The following ZIM2 variants were observed in gnomAD, a reference collection of about 807,000 sequenced individuals.
The protein encoded by ZIM2 is zinc finger imprinted 2, also known as zinc finger protein 656.
A neutral mutation model predicts 38.6 loss-of-function variants in ZIM2; 14 were observed. The ratio of observed to expected loss-of-function variants is 0.36; its 90% confidence interval spans 0.24 to 0.57. ZIM2 has a LOEUF of 0.57. Ranked by LOEUF, ZIM2 falls within the 20% of genes least tolerant of loss-of-function variation. The pLI is 0.81. For synonymous variants in ZIM2, 247 were observed against 245.8 expected (o/e 1.00, Z -0.04); for missense variants, 680 against 695.1 (o/e 0.98, Z 0.24).
intron 7 of ZIM2, among the ~76,000 whole-genome samples, chr19:56,819,071 A>C (rs1048625418): frequency 1.3e-5 from 2 of 152,208 alleles, no homozygotes; most frequent in East Asian, 3.9e-4. Flanking sequence ...AACAGTGTGC[A>C]AAGGTTTGTG....
At chr19:56,828,133 G>A (rs900289815) in intron 2 of ZIM2, among the ~76,000 whole-genome samples, 4 of 152,152 alleles carry the variant, frequency 2.6e-5, no homozygotes, top group Non-Finnish European at 5.9e-5. Context: ...GGTGCAGGCA[G>A]CCGTAACATC....
At chr19:56,834,295 C>T (rs927788491) in intron 2 of ZIM2, among the ~76,000 whole-genome samples, 2 of 152,112 alleles carry the variant, frequency 1.3e-5, no homozygotes, top group African/African-American at 4.8e-5. Context: ...AGATAAGGGG[C>T]TTCCGATATC....
At chr19:56,796,853 C>T (rs2047255569) in intron 9 of ZIM2, among the ~76,000 whole-genome samples, 1 of 152,208 alleles carries the variant, frequency 6.6e-6, no homozygotes, top group South Asian at 2.1e-4. Flanking sequence ...GAAGCTATTC[C>T]ATTACAGAGT....
chr19:56,816,061 G>C, intron 9 of ZIM2: 1 of 1,602,878 alleles, frequency 6.2e-7, no homozygotes, highest in Non-Finnish European at 8.5e-7. Context: ...ACTGGGCCCT[G>C]CTACACTGTG....
In ZIM2 at chr19:56,788,299, C is replaced by T. The variant is rs540260115; in HGVS notation, c.570+1573G>A. 6.1e-4 allele frequency among the ~76,000 whole-genome samples: 93 copies of T among 152,200 alleles called. 2 individuals carry two copies. In the South Asian group the frequency reaches 0.018, roughly 29 times the overall value. On this transcript the variant is annotated intron_variant, in intron 10 of 12. Transcript: ENST00000629319. ...TAGCTGTGTCCCAGAGATTCTGGTACGTTGTGTCTTTGTTCTCATTGGTTT... is the reference window on the plus strand; with the variant it reads ...TAGCTGTGTCCCAGAGATTCTGGTATGTTGTGTCTTTGTTCTCATTGGTTT...
At chr19:56,811,596 C>T in intron 9 of ZIM2, 1 of 985,304 alleles carries the variant, frequency 1.0e-6, no homozygotes, top group Non-Finnish European at 1.2e-6. Context: ...TGAAAAGGGG[C>T]TACCACTGCC....
At chr19:56,810,277 C>T in intron 9 of ZIM2, 2 of 981,040 alleles carry the variant, frequency 2.0e-6, no homozygotes, top group Non-Finnish European at 2.4e-6. Flanking sequence ...CTATAATGAA[C>T]ACATTTCATA....
chr19:56,815,456 G>T (rs1281167758), intron 9 of ZIM2: 1 of 1,614,072 alleles, frequency 6.2e-7, no homozygotes, highest in East Asian at 2.2e-5. Flanking sequence ...CTTCCAGAGG[G>T]CTTCTCCCTA....
intron 2 of ZIM2, among the ~76,000 whole-genome samples, chr19:56,830,275 G>A (rs924678777): frequency 2.0e-5 from 3 of 152,226 alleles, no homozygotes; most frequent in African/African-American, 7.2e-5. Flanking sequence ...AATAGCCCAT[G>A]ATCTTGAAAG....
At chr19:56,775,632 G>T in intron 12 of ZIM2, 103 bp from the exon 13 acceptor site, 1 of 1,474,838 alleles carries the variant, frequency 6.8e-7, no homozygotes, top group East Asian at 2.3e-5. Flanking sequence ...TTAGTGCTTT[G>T]GTTTCAGGTC....
chr19:56,815,130 G>C (rs761893788), intron 9 of ZIM2: 3 of 1,613,844 alleles, frequency 1.9e-6, no homozygotes, highest in South Asian at 2.2e-5. Context: ...CATAGATTTT[G>C]TCATCAGGGT....
At chr19:56,807,197 T>C (rs544401751) in intron 9 of ZIM2, among the ~76,000 whole-genome samples, 16 of 152,244 alleles carry the variant, frequency 1.1e-4, no homozygotes, top group African/African-American at 3.6e-4. Context: ...GGTTCTTGAA[T>C]AAAAGGCAAA....
chr19:56,780,820 C>T (rs1188763343), intron 11 of ZIM2, among the ~76,000 whole-genome samples: 1 of 152,170 alleles, frequency 6.6e-6, no homozygotes, highest in Non-Finnish European at 1.5e-5. Flanking sequence ...AATTGAAGAA[C>T]TTCTTTTTCA....
At chr19:56,780,223 A>T (rs1288889062) in intron 11 of ZIM2, among the ~76,000 whole-genome samples, 1 of 150,136 alleles carries the variant, frequency 6.7e-6, no homozygotes, top group Non-Finnish European at 1.5e-5. Context: ...TTTTTAACTT[A>T]GATATGCTTA....
chr19:56,809,505 C>T (rs2047954859), intron 9 of ZIM2, among the ~76,000 whole-genome samples: 3 of 152,102 alleles, frequency 2.0e-5, no homozygotes, highest in African/African-American at 7.2e-5. Flanking sequence ...TTGAAAAGCT[C>T]TGATCATTAT....
Position 56,822,754 on chromosome 19 carries a change from G to C in ZIM2, c.189C>G (p.Ser63Arg), listed in dbSNP as rs754877008. The C allele has an allele frequency of 6.2e-7, 1 of 1,614,066 alleles. No homozygotes were observed. Among genetic ancestry groups the C allele is most frequent in the Non-Finnish European group, 8.5e-7 (1 of 1,180,000 alleles). ...DRWSHTRNPR[S>R]RMPPRDLSLP... Reference sequence around the variant, plus strand: ...GGAAAGAAAGTGGTTAAGACTCACTGCTTCTTGGGTTCCTGGTGTGGGACC... The same window carrying C: ...GGAAAGAAAGTGGTTAAGACTCACTCCTTCTTGGGTTCCTGGTGTGGGACC... The change falls in exon 6 of 13, where the codon AGC (serine) becomes AGG (arginine). Residue 63 changes from serine (S) to arginine (R), a missense_variant and splice_region_variant. Ser to Arg is a moderately radical substitution (Grantham distance 110). Coordinates refer to ENST00000629319, the MANE Select transcript of ZIM2 (RefSeq NM_001387356.1).
chr19:56,813,428 T>C, intron 9 of ZIM2: 1 of 1,306,756 alleles, frequency 7.7e-7, no homozygotes, highest in Non-Finnish European at 9.7e-7. Flanking sequence ...ATCTGATTAC[T>C]TGGAAAGGTA....
chr19:56,799,142 A>G (rs928086930), intron 9 of ZIM2: 2 of 152,216 alleles, frequency 1.3e-5, no homozygotes, highest in East Asian at 3.8e-4. Context: ...AAATCATTCT[A>G]TTATAAAGAT....
chr19:56,820,197 G>A (rs1193775077), intron 7 of ZIM2, among the ~76,000 whole-genome samples: 1 of 152,178 alleles, frequency 6.6e-6, no homozygotes, highest in Non-Finnish European at 1.5e-5. Context: ...ATGCTAGTAT[G>A]GCTCAATGTA....
Sources: gnomAD v4.1 joint callset for allele counts (sites outside exome capture counted in the v4.1 genomes callset) on GRCh38, gnomAD v4.1.1 for gene constraint, MANE v1.5 for transcripts, NCBI Gene and HGNC (gene_info 2026-07-23, HGNC 2026-07-21) for gene names.